DDAH1: variants seen among roughly 807,000 people sequenced by gnomAD.
DDAH1 encodes N(G),N(G)-dimethylarginine dimethylaminohydrolase 1.
A neutral mutation model predicts 28.8 loss-of-function variants in DDAH1; 19 were observed. The observed-to-expected ratio is 0.66, with a 90% CI of 0.46 to 0.97. The LOEUF (loss-of-function observed/expected upper bound fraction) is 0.97, where lower values mean the gene tolerates loss of function less well. Ranked by LOEUF, DDAH1 falls within the 50% of genes least tolerant of loss-of-function variation. The pLI is 0.00. For synonymous variants in DDAH1, 153 were observed against 154.4 expected (o/e 0.99, Z 0.07); for missense variants, 326 against 375.9 (o/e 0.87, Z 1.10).
chr1:85,538,677 G>A (rs1412074843), intron 1 of DDAH1, among the ~76,000 whole-genome samples: 1 of 152,152 alleles, frequency 6.6e-6, no homozygotes, highest in Non-Finnish European at 1.5e-5. Context: ...CAGAAATGCA[G>A]GTCAAAATGA....
chr1:85,380,771 G>C (rs1053089679), intron 1 of DDAH1, among the ~76,000 whole-genome samples: 2 of 152,030 alleles, frequency 1.3e-5, no homozygotes, highest in Non-Finnish European at 2.9e-5. Context: ...AACATTCCTA[G>C]GTTTTGCTGC....
chr1:85,481,098 G>T (rs56030754), intron 2 of DDAH1, among the ~76,000 whole-genome samples: 6,898 of 113,228 alleles, frequency 0.061, 438 homozygotes, highest in African/African-American at 0.16. Flanking sequence ...TGGGTTTTTT[G>T]TTTTTTTTTT....
intron 1 of DDAH1, among the ~76,000 whole-genome samples, chr1:85,395,780 T>C (rs1026802815): frequency 6.6e-6 from 1 of 152,146 alleles, no homozygotes. Context: ...GAAAGGAATT[T>C]TGAGTGTGAT....
chr1:85,469,691 CT>C (rs1245565968), upstream of DDAH1, among the ~76,000 whole-genome samples: 2 of 152,096 alleles, frequency 1.3e-5, no homozygotes, highest in African/African-American at 4.8e-5. Context: ...AATTTGTGGC[CT>C]TCCTAGGTTG....
chr1:85,353,519 C>G (rs111684068), intron 2 of DDAH1, among the ~76,000 whole-genome samples: 3 of 152,204 alleles, frequency 2.0e-5, no homozygotes, highest in African/African-American at 7.2e-5. Flanking sequence ...GGCACACTGA[C>G]AGTTTTTTGG....
At chr1:85,509,666 C>T (rs572879635) in intron 1 of DDAH1, among the ~76,000 whole-genome samples, 1 of 152,274 alleles carries the variant, frequency 6.6e-6, no homozygotes, top group Admixed American at 6.5e-5. Flanking sequence ...AGCTGAAAAC[C>T]ATGGCACGAG....
intron 1 of DDAH1, among the ~76,000 whole-genome samples, chr1:85,462,241 G>A (rs568806080): frequency 1.3e-5 from 2 of 152,262 alleles, no homozygotes; most frequent in Admixed American, 6.5e-5. Flanking sequence ...AAAGAACCTC[G>A]CTCGATCCAT....
At position 85,476,375 on chromosome 1, in the gene DDAH1, CT is replaced by C. The variant is rs756982935; in HGVS notation, c.-7+19790del. On this transcript the variant is annotated intron_variant, in intron 2 of 6. Transcript: ENST00000426972. ...TTGTGGATTAGGAATTGGGGAAAAG[CT>C]TGTGTCTCTGATCCACATGGAGTCC... 8.0e-4 allele frequency among the ~76,000 whole-genome samples: 122 copies of C among 152,312 alleles called. 1 individual carries two copies. Among genetic ancestry groups the C allele is most frequent in the Non-Finnish European group, 1.1e-3 (77 of 68,038 alleles).
rs1473930468 is a variant in DDAH1 at position 85,321,540 on chromosome 1, A to T, written c.770T>A (p.Leu257Gln). The T allele has an allele frequency of 1.9e-6, 3 of 1,614,070 alleles. No homozygotes were observed. The highest frequency in any genetic ancestry group is 2.5e-6 in the Non-Finnish European group (3 of 1,179,882). ...CAGTTCAGACATGCTCACGGGGATC[A>T]GCATATGGTCCTTCAGTTTCTCATA... ...KVYEKLKDHM[L>Q]IPVSMSELEK... The change falls in exon 6 of 6, where the codon CTG (leucine) becomes CAG (glutamine). Residue 257 changes from leucine to glutamine, a missense_variant. Coordinates refer to ENST00000284031, the MANE Select transcript of DDAH1 (RefSeq NM_012137.4).
chr1:85,442,990 G>T (rs1241332285), intron 1 of DDAH1, among the ~76,000 whole-genome samples: 1 of 152,186 alleles, frequency 6.6e-6, no homozygotes, highest in East Asian at 1.9e-4. Context: ...TGTTCACTGT[G>T]ATGGTAGTTT....
intron 1 of DDAH1, among the ~76,000 whole-genome samples, chr1:85,506,565 A>G (rs1377056536): frequency 6.6e-6 from 1 of 152,096 alleles, no homozygotes; most frequent in East Asian, 1.9e-4. Flanking sequence ...TCCACCCTAG[A>G]CCCACAACTT....
chr1:85,566,528 A>C, intron 1 of DDAH1, among the ~76,000 whole-genome samples: 1 of 151,866 alleles, frequency 6.6e-6, no homozygotes. Context: ...AAAATAAAGT[A>C]GTAGAGAATG....
intron 1 of DDAH1, among the ~76,000 whole-genome samples, chr1:85,571,086 G>A (rs761427243): frequency 3.9e-5 from 6 of 152,140 alleles, no homozygotes; most frequent in Non-Finnish European, 8.8e-5. Flanking sequence ...TTAGAAAGAT[G>A]TCAAAAAGCT....
intron 4 of DDAH1, among the ~76,000 whole-genome samples, chr1:85,341,775 T>G (rs1056896358): frequency 6.6e-6 from 1 of 151,976 alleles, no homozygotes; most frequent in Non-Finnish European, 1.5e-5. Flanking sequence ...ATCACGCCAC[T>G]GCACTCCAGC....
intron 4 of DDAH1, among the ~76,000 whole-genome samples, chr1:85,343,493 A>G (rs1285691389): frequency 6.6e-6 from 1 of 152,226 alleles, no homozygotes; most frequent in Non-Finnish European, 1.5e-5. Flanking sequence ...CAGATTTAAA[A>G]AAATCATTGT....
In DDAH1 at chr1:85,408,293, CTTT is replaced by C. The variant is rs36103030; in HGVS notation, c.304-49449_304-49447del. On this transcript the variant is annotated intron_variant, in intron 1 of 5. Coordinates refer to ENST00000284031, the MANE Select transcript of DDAH1 (RefSeq NM_012137.4). ...TCCCCTTACCTTTTTCTCCTTCTTC[CTTT>C]TTTTTTTTTTATCTTTTTGTGGTAA... is the stretch of plus-strand genomic sequence containing the variant. Among the ~76,000 whole-genome samples, 234 of 145,552 alleles carry C rather than the reference CTTT, an allele frequency of 1.6e-3. 1 individual carries two copies. Among genetic ancestry groups the C allele is most frequent in the South Asian group, 4.3e-3 (20 of 4,642 alleles).
At chr1:85,377,010 T>C (rs1200530387) in intron 1 of DDAH1, among the ~76,000 whole-genome samples, 1 of 152,164 alleles carries the variant, frequency 6.6e-6, no homozygotes, top group Non-Finnish European at 1.5e-5. Context: ...CAGATATATG[T>C]GTGGTAAATT....
chr1:85,424,737 CTG>C (rs1411848008), intron 1 of DDAH1, among the ~76,000 whole-genome samples: 1 of 151,920 alleles, frequency 6.6e-6, no homozygotes, highest in East Asian at 1.9e-4. Flanking sequence ...TTTCTAAGTG[CTG>C]TGTTATTAAA....
intron 1 of DDAH1, among the ~76,000 whole-genome samples, chr1:85,426,623 A>C (rs908700222): frequency 6.6e-6 from 1 of 152,138 alleles, no homozygotes; most frequent in Non-Finnish European, 1.5e-5. Context: ...GAGTTGAAAA[A>C]CAAGCCCAGT....
Sources: gnomAD v4.1 joint callset for allele counts (sites outside exome capture counted in the v4.1 genomes callset) on GRCh38, gnomAD v4.1.1 for gene constraint, MANE v1.5 for transcripts, NCBI Gene and HGNC (gene_info 2026-07-23, HGNC 2026-07-21) for gene names.